RGL1: variants seen among roughly 807,000 people sequenced by gnomAD.
RGL1 encodes the protein ral guanine nucleotide dissociation stimulator-like 1.
In RGL1, 24 loss-of-function variants were observed where a neutral mutation model predicts 95.2. The ratio of observed to expected loss-of-function variants is 0.25; its 90% CI spans 0.18 to 0.35. The LOEUF (loss-of-function observed/expected upper bound fraction) is 0.35. Among genes scored for constraint, RGL1 ranks in the 10% least tolerant of loss-of-function variants. The pLI is 1.00. For missense variants in RGL1, 715 were observed against 936.3 expected (o/e 0.76, Z 3.08); for synonymous variants, 329 against 344.9 (o/e 0.95, Z 0.51).
At chr1:183,798,266 T>C (rs1660799041) in intron 2 of RGL1, among the ~76,000 whole-genome samples, 1 of 152,230 alleles carries the variant, frequency 6.6e-6, no homozygotes, top group African/African-American at 2.4e-5. Flanking sequence ...AGCATTCAGT[T>C]TGAGGATGAC....
chr1:183,732,425 CTG>C (rs1360323626), intron 1 of RGL1, among the ~76,000 whole-genome samples: 1 of 152,182 alleles, frequency 6.6e-6, no homozygotes, highest in Non-Finnish European at 1.5e-5. Context: ...CATATGGACT[CTG>C]AAACTAAAGC....
chr1:183,859,350 A>T (rs181219385), intron 3 of RGL1, among the ~76,000 whole-genome samples: 1 of 152,236 alleles, frequency 6.6e-6, no homozygotes, highest in African/African-American at 2.4e-5. Context: ...TGCGTGAGAT[A>T]TAAGTTGTGG....
At chr1:183,758,176 TG>T (rs1278628229) in intron 2 of RGL1, among the ~76,000 whole-genome samples, 1 of 151,606 alleles carries the variant, frequency 6.6e-6, no homozygotes, top group East Asian at 1.9e-4. Context: ...TAGCACAGAC[TG>T]GGTGGCTTAT....
chr1:183,658,761 G>T (rs1195449133), intron 1 of RGL1, among the ~76,000 whole-genome samples: 1 of 152,160 alleles, frequency 6.6e-6, no homozygotes, highest in Admixed American at 6.5e-5. Context: ...GCCTCCTCAA[G>T]TGGGTCCCTG....
At chr1:183,752,162 C>T (rs972681763) in intron 2 of RGL1, among the ~76,000 whole-genome samples, 1 of 152,148 alleles carries the variant, frequency 6.6e-6, no homozygotes, top group African/African-American at 2.4e-5. Context: ...AATTTATGCT[C>T]TCATCCACAG....
At chr1:183,840,337 T>A (rs1663962099) in intron 2 of RGL1, among the ~76,000 whole-genome samples, 1 of 152,194 alleles carries the variant, frequency 6.6e-6, no homozygotes, top group Non-Finnish European at 1.5e-5. Context: ...GGAGGAATCC[T>A]GGTTTCTATG....
At chr1:183,853,995 T>C (rs1458838554) in intron 3 of RGL1, among the ~76,000 whole-genome samples, 1 of 152,234 alleles carries the variant, frequency 6.6e-6, no homozygotes, top group Non-Finnish European at 1.5e-5. Flanking sequence ...ATTTATCAGC[T>C]CTTTAATGTG....
intron 17 of RGL1, among the ~76,000 whole-genome samples, chr1:183,925,375 T>A (rs1341952880): frequency 2.6e-5 from 4 of 152,062 alleles, no homozygotes; most frequent in Non-Finnish European, 5.9e-5. Context: ...AGGACAAATA[T>A]CTAATGCATG....
intron 1 of RGL1, among the ~76,000 whole-genome samples, chr1:183,725,392 G>GGCAAAT (rs1200709827): frequency 2.0e-5 from 3 of 152,268 alleles, no homozygotes; most frequent in Non-Finnish European, 2.9e-5. Flanking sequence ...CAGAAGGGGA[G>GGCAAAT]GCAAATGCAT....
intron 4 of RGL1, among the ~76,000 whole-genome samples, chr1:183,873,508 C>G (rs1390626865): frequency 6.6e-6 from 1 of 152,100 alleles, no homozygotes; most frequent in Non-Finnish European, 1.5e-5. Flanking sequence ...ATTTGAACTC[C>G]CGTCCAACTG....
At chr1:183,886,591 A>G (rs1190755488) in intron 7 of RGL1, among the ~76,000 whole-genome samples, 1 of 152,172 alleles carries the variant, frequency 6.6e-6, no homozygotes, top group Non-Finnish European at 1.5e-5. Flanking sequence ...TGCAAGTTGA[A>G]TCATTTGAAG....
chr1:183,711,470 G>T (rs1019096527), intron 1 of RGL1, among the ~76,000 whole-genome samples: 1 of 152,164 alleles, frequency 6.6e-6, no homozygotes, highest in African/African-American at 2.4e-5. Context: ...GAGGTGTTGG[G>T]GGGTGAGGTG....
chr1:183,815,189 G>T (rs556138077), intron 2 of RGL1, among the ~76,000 whole-genome samples: 120 of 152,018 alleles, frequency 7.9e-4, no homozygotes, highest in African/African-American at 2.8e-3. Flanking sequence ...CAGGAGAATC[G>T]CCTGAACCTG....
At chr1:183,876,064 C>G (rs1219567103) in intron 4 of RGL1, among the ~76,000 whole-genome samples, 1 of 152,132 alleles carries the variant, frequency 6.6e-6, no homozygotes, top group Non-Finnish European at 1.5e-5. Context: ...AAGATCTCAG[C>G]TTTCACATCA....
chr1:183,845,777 C>T (rs1008164911), intron 2 of RGL1, among the ~76,000 whole-genome samples: 9 of 152,154 alleles, frequency 5.9e-5, no homozygotes, highest in Admixed American at 3.3e-4. Flanking sequence ...ATACTCCAAC[C>T]ATGGCCAGTT....
chr1:183,848,981 T>C (rs1664630272), intron 3 of RGL1, among the ~76,000 whole-genome samples: 1 of 152,210 alleles, frequency 6.6e-6, no homozygotes, highest in Admixed American at 6.5e-5. Context: ...CTGTATGTCA[T>C]ATATATGATA....
At chr1:183,823,507 G>GCT (rs1188967235) in intron 2 of RGL1, among the ~76,000 whole-genome samples, 2 of 152,070 alleles carry the variant, frequency 1.3e-5, no homozygotes, top group African/African-American at 2.4e-5. Flanking sequence ...ATTCAACATG[G>GCT]CTAAACATAA....
chr1:183,773,839 T>TA (rs1413693841), intron 2 of RGL1, among the ~76,000 whole-genome samples: 1 of 151,264 alleles, frequency 6.6e-6, no homozygotes, highest in Non-Finnish European at 1.5e-5. Flanking sequence ...GATCAAGGAA[T>TA]AAAAAAATGG....
chr1:183,690,996 T>C (rs1415221206), intron 1 of RGL1, among the ~76,000 whole-genome samples: 3 of 152,226 alleles, frequency 2.0e-5, no homozygotes, highest in Non-Finnish European at 4.4e-5. Flanking sequence ...TGGGGTTCAC[T>C]GAGATTTTTG....
Sources: allele counts gnomAD v4.1 joint callset (sites outside exome capture counted in the v4.1 genomes callset), GRCh38; gene constraint gnomAD v4.1.1; transcripts MANE v1.5; gene names NCBI Gene and HGNC (gene_info 2026-07-23, HGNC 2026-07-21).